Variants in BICRAL observed in about 807,000 individuals in gnomAD.
The protein encoded by BICRAL is BICRA like chromatin remodeling complex associated protein.
BICRAL carries 8 observed loss-of-function variants against 91.8 expected under a neutral mutation model. The observed-to-expected ratio is 0.09, with a 90% CI of 0.05 to 0.16. BICRAL has a LOEUF of 0.16. Ranked by LOEUF, BICRAL falls within the 10% of genes least tolerant of loss-of-function variation. BICRAL has a pLI of 1.00. For missense variants in BICRAL, 1,038 were observed against 1,310.9 expected (o/e 0.79, Z 3.21); for synonymous variants, 445 against 491.1 (o/e 0.91, Z 1.24).
chr6:42,823,927 C>CAATT (rs1562479647), intron 5 of BICRAL, among the ~76,000 whole-genome samples: 1 of 150,842 alleles, frequency 6.6e-6, no homozygotes, highest in Non-Finnish European at 1.5e-5. Context: ...CCATCTCAAA[C>CAATT]AATAAATAAA....
intron 1 of BICRAL, among the ~76,000 whole-genome samples, chr6:42,795,252 G>A: frequency 6.6e-6 from 1 of 152,132 alleles, no homozygotes; most frequent in East Asian, 1.9e-4. Context: ...CCAACATGGC[G>A]AGACCCCGTC....
At chr6:42,855,413 A>G (rs1765320125) in intron 8 of BICRAL, among the ~76,000 whole-genome samples, 1 of 152,128 alleles carries the variant, frequency 6.6e-6, no homozygotes, top group Non-Finnish European at 1.5e-5. Context: ...GTGGTGGTGC[A>G]TACCTGTAGT....
chr6:42,807,094 G>A (rs139163424), intron 1 of BICRAL, among the ~76,000 whole-genome samples: 9,848 of 151,874 alleles, frequency 0.065, 422 homozygotes, highest in Non-Finnish European at 0.093. Flanking sequence ...GCCTCCCAAA[G>A]TGCTGGGCTT....
intron 11 of BICRAL, 56 bp from the exon 12 acceptor site, chr6:42,862,454 A>G (rs1765581039): frequency 8.5e-7 from 1 of 1,181,898 alleles, no homozygotes. Flanking sequence ...ATTTTTTCCA[A>G]AAGCAACCAT....
chr6:42,759,223 G>A (rs1256882312), intron 1 of BICRAL, among the ~76,000 whole-genome samples: 1 of 152,214 alleles, frequency 6.6e-6, no homozygotes, highest in Non-Finnish European at 1.5e-5. Flanking sequence ...GCAGGGGCCA[G>A]CCCACCAAGG....
At chr6:42,796,486 G>A (rs949961761) in intron 1 of BICRAL, among the ~76,000 whole-genome samples, 3 of 152,128 alleles carry the variant, frequency 2.0e-5, no homozygotes, top group Non-Finnish European at 4.4e-5. Flanking sequence ...GTTCACAGTC[G>A]AGCACATAAA....
chr6:42,819,639 T>C (rs1188107283), intron 2 of BICRAL, among the ~76,000 whole-genome samples: 3 of 152,252 alleles, frequency 2.0e-5, no homozygotes, highest in Non-Finnish European at 4.4e-5. Context: ...CTGGTAAATT[T>C]ACTTTGATGG....
intron 1 of BICRAL, among the ~76,000 whole-genome samples, chr6:42,750,877 C>CTTTTTTTTTTT (rs397886906): frequency 1.1e-5 from 1 of 90,722 alleles, no homozygotes; most frequent in African/African-American, 4.5e-5. Flanking sequence ...CGCGCCCGGC[C>CTTTTTTTTTTT]TTTTTTTTTT....
intron 6 of BICRAL, among the ~76,000 whole-genome samples, chr6:42,841,212 T>TG (rs1764788218): frequency 8.6e-6 from 1 of 116,166 alleles, no homozygotes; most frequent in Non-Finnish European, 1.8e-5. Context: ...TTTTTTGAGA[T>TG]GGGGTCTCAC....
In BICRAL at chr6:42,864,888, TAAA is replaced by T. The variant is rs758635141; in HGVS notation, c.2687_2689del (p.Lys896del). ...TGGTCTCTGCAGAAGGAAACATTTC[TAAA>T]AAAACAGAATGCCTTGGCAGAGCAC... On this transcript the variant is annotated inframe_deletion, in exon 13 of 13. Coordinates refer to ENST00000314073, the MANE Select transcript of BICRAL (RefSeq NM_001393499.1). 6.2e-7 allele frequency: 1 copy of T among 1,614,070 alleles called. No homozygotes were observed. The highest frequency in any genetic ancestry group is 1.1e-5 in the South Asian group (1 of 91,086).
At chr6:42,763,230 A>G (rs1762581041) in intron 1 of BICRAL, among the ~76,000 whole-genome samples, 1 of 152,234 alleles carries the variant, frequency 6.6e-6, no homozygotes, top group Admixed American at 6.5e-5. Flanking sequence ...ATTTGAAGCA[A>G]GAACAGGTTT....
chr6:42,855,122 T>C (rs1765308530), intron 8 of BICRAL, among the ~76,000 whole-genome samples: 1 of 152,172 alleles, frequency 6.6e-6, no homozygotes, highest in Admixed American at 6.6e-5. Flanking sequence ...ATGTAAAAAA[T>C]GCCTCGTTAG....
At chr6:42,771,073 C>T (rs915078454) in intron 1 of BICRAL, among the ~76,000 whole-genome samples, 5 of 152,228 alleles carry the variant, frequency 3.3e-5, no homozygotes, top group African/African-American at 7.2e-5. Context: ...TCCTTCTCTC[C>T]TAGCCTGCCC....
intron 1 of BICRAL, among the ~76,000 whole-genome samples, chr6:42,764,537 T>TAA (rs960307778): frequency 7.1e-6 from 1 of 141,736 alleles, no homozygotes; most frequent in African/African-American, 2.6e-5. Context: ...GACTCTGTCT[T>TAA]AAAAAAAAAA....
In BICRAL at chr6:42,865,634, A is replaced by G. The variant is rs1765692280; in HGVS notation, c.*188A>G. On this transcript the variant is annotated 3_prime_UTR_variant, in exon 13 of 13. Coordinates refer to ENST00000314073, the MANE Select transcript of BICRAL (RefSeq NM_001393499.1). The stretch of plus-strand genomic sequence containing the variant: ...TTGTTTAAGAGCAATACTTGTCGTG[A>G]TTACAGGGAGATCCTTTAGTAAAAT... 3.6e-6 allele frequency: 2 copies of G among 563,056 alleles called. No homozygotes were observed. The highest frequency in any genetic ancestry group is 6.3e-6 in the Non-Finnish European group (2 of 318,378). 34.9% of individuals were successfully genotyped at this position (563,056 alleles called of 1,614,324 possible). A position where few individuals can be genotyped will look rare whatever the true frequency, so the allele number is the denominator to read the frequency against.
intron 1 of BICRAL, among the ~76,000 whole-genome samples, chr6:42,796,642 T>A (rs1463841677): frequency 6.6e-6 from 1 of 152,148 alleles, no homozygotes; most frequent in African/African-American, 2.4e-5. Context: ...TGGGAGATGA[T>A]GATGGCTTGG....
chr6:42,769,557 T>C (rs1027215030), intron 1 of BICRAL, among the ~76,000 whole-genome samples: 3 of 152,216 alleles, frequency 2.0e-5, no homozygotes, highest in African/African-American at 4.8e-5. Context: ...GCCTACTGTG[T>C]GCCAAGTGCC....
In BICRAL at chr6:42,864,945, G is replaced by A. The variant is rs10456519; in HGVS notation, c.2739G>A (p.Gln913=). The part of the protein sequence containing the change: ...ALKFDKVGLV[Q]YQSTSEEKAS... ...AATTTGACAAAGTGGGCTTAGTGCA[G>A]TACCAGAGCACGTCTGAAGAGAAGG... is the stretch of plus-strand genomic sequence containing the variant. Residue 913 remains glutamine, a synonymous_variant, in exon 13 of 13, where the codon CAG becomes CAA. Coordinates refer to ENST00000314073, the MANE Select transcript of BICRAL (RefSeq NM_001393499.1). 8.1e-3 allele frequency: 13,128 copies of A among 1,614,178 alleles called. 83 individuals carry two copies. Among genetic ancestry groups the A allele is most frequent in the Middle Eastern group, 0.022 (132 of 6,062 alleles).
intron 1 of BICRAL, among the ~76,000 whole-genome samples, chr6:42,762,098 A>C (rs1455257928): frequency 1.3e-5 from 2 of 152,066 alleles, no homozygotes; most frequent in African/African-American, 4.8e-5. Context: ...CCCAGTCCTT[A>C]AGGTCAGTGG....
Sources: gnomAD v4.1 joint callset for allele counts (sites outside exome capture counted in the v4.1 genomes callset) on GRCh38, gnomAD v4.1.1 for gene constraint, MANE v1.5 for transcripts, NCBI Gene and HGNC (gene_info 2026-07-23, HGNC 2026-07-21) for gene names.